Variants in SEMA6D observed in about 807,000 individuals in gnomAD.
SEMA6D encodes semaphorin-6D.
A neutral mutation model predicts 106.6 loss-of-function variants in SEMA6D; 35 were observed. The ratio of observed to expected loss-of-function variants is 0.33; its 90% CI spans 0.25 to 0.44. The LOEUF is 0.44. SEMA6D is among the 20% of genes least tolerant of loss of function. The pLI, the probability that SEMA6D is intolerant of heterozygous loss-of-function variation, is 1.00. For synonymous variants in SEMA6D, 499 were observed against 487.7 expected (o/e 1.02, Z -0.31); for missense variants, 1,185 against 1,345.9 (o/e 0.88, Z 1.87).
At chr15:47,288,260 G>C (rs10519110) in intron 1 of SEMA6D, among the ~76,000 whole-genome samples, 2,775 of 152,180 alleles carry the variant, frequency 0.018, 52 homozygotes, top group African/African-American at 0.024. Flanking sequence ...TTGGCTTGCT[G>C]CTTGAAATAT....
At chr15:47,332,819 G>C (rs980185749) in intron 1 of SEMA6D, among the ~76,000 whole-genome samples, 3 of 152,116 alleles carry the variant, frequency 2.0e-5, no homozygotes, top group African/African-American at 7.2e-5. Flanking sequence ...AAATGGGAGG[G>C]TCCTGAATCA....
chr15:47,325,151 G>C (rs1444212526), intron 1 of SEMA6D, among the ~76,000 whole-genome samples: 1 of 139,784 alleles, frequency 7.2e-6, no homozygotes, highest in Non-Finnish European at 1.5e-5. Context: ...AAGAGCACAG[G>C]GTGAAGCGTT....
intron 2 of SEMA6D, among the ~76,000 whole-genome samples, chr15:47,420,714 A>G (rs2041124656): frequency 6.6e-6 from 1 of 152,154 alleles, no homozygotes; most frequent in South Asian, 2.1e-4. Flanking sequence ...TTTGGGAAGG[A>G]TGATAATATT....
chr15:47,740,281 G>A (rs969831811), intron 1 of SEMA6D, among the ~76,000 whole-genome samples: 1 of 152,178 alleles, frequency 6.6e-6, no homozygotes, highest in African/African-American at 2.4e-5. Flanking sequence ...AGCACTTTGG[G>A]AGGCTGAGGT....
intron 2 of SEMA6D, among the ~76,000 whole-genome samples, chr15:47,449,396 C>G (rs1300101465): frequency 6.6e-6 from 1 of 152,024 alleles, no homozygotes; most frequent in African/African-American, 2.4e-5. Flanking sequence ...GAGGGTCTGA[C>G]TGGAGAAGGG....
At chr15:47,572,674 A>C (rs2076083239) in intron 3 of SEMA6D, among the ~76,000 whole-genome samples, 1 of 152,240 alleles carries the variant, frequency 6.6e-6, no homozygotes, top group Non-Finnish European at 1.5e-5. Flanking sequence ...ACAAACACAT[A>C]TATACAACAC....
chr15:47,580,617 G>GA (rs896089192), intron 3 of SEMA6D, among the ~76,000 whole-genome samples: 25 of 149,826 alleles, frequency 1.7e-4, no homozygotes, highest in Admixed American at 4.7e-4. Context: ...GAAGTATGTC[G>GA]AAAAAAAAAC....
At chr15:47,436,031 T>G (rs555520038) in intron 2 of SEMA6D, among the ~76,000 whole-genome samples, 1 of 152,118 alleles carries the variant, frequency 6.6e-6, no homozygotes, top group Non-Finnish European at 1.5e-5. Context: ...TTCAGCACTT[T>G]GGTCTTTTGA....
intron 4 of SEMA6D, among the ~76,000 whole-genome samples, chr15:47,620,661 C>T (rs76974957): frequency 7.9e-5 from 12 of 151,180 alleles, no homozygotes; most frequent in African/African-American, 2.7e-4. Context: ...AGGAAGTGGT[C>T]GTTGTGGCTG....
intron 1 of SEMA6D, among the ~76,000 whole-genome samples, chr15:47,265,757 T>A (rs940586138): frequency 4.6e-5 from 7 of 152,068 alleles, no homozygotes; most frequent in African/African-American, 1.2e-4. Flanking sequence ...TTTCCCCCAC[T>A]GTGGGGATTG....
intron 1 of SEMA6D, among the ~76,000 whole-genome samples, chr15:47,310,937 C>T (rs1194160147): frequency 1.3e-5 from 2 of 152,146 alleles, no homozygotes; most frequent in East Asian, 1.9e-4. Flanking sequence ...TGATTAGGAT[C>T]AATTATATAC....
chr15:47,760,939 G>A (rs1438419415), intron 3 of SEMA6D, 39 bp from the exon 4 acceptor site: 5 of 1,539,134 alleles, frequency 3.2e-6, no homozygotes. Flanking sequence ...ACATTTTTAT[G>A]TATTCACGTG....
intron 2 of SEMA6D, among the ~76,000 whole-genome samples, chr15:47,449,575 G>A (rs1240821889): frequency 6.6e-6 from 1 of 152,026 alleles, no homozygotes; most frequent in Non-Finnish European, 1.5e-5. Context: ...TGACATATGA[G>A]CAATTGTATT....
Position 47,385,065 on chromosome 15 carries a change from T to TTTTTA in SEMA6D, c.-238-27328_-238-27327insTTTTA, listed in dbSNP as rs35758807. Among the ~76,000 whole-genome samples the TTTTTA allele has an allele frequency of 3.7e-3, 509 of 137,222 alleles. 19 individuals carry two copies. The highest frequency in any genetic ancestry group is 0.013 in the African/African-American group (489 of 36,240). 90.0% of individuals were successfully genotyped at this position (137,222 alleles called of 152,430 possible). A position where few individuals can be genotyped will look rare whatever the true frequency, so the allele number is the denominator to read the frequency against. On this transcript the variant is annotated intron_variant, in intron 1 of 19. Coordinates refer to the SEMA6D transcript ENST00000558014. Reference sequence around the variant, plus strand: ...CTGTAATTTTTTTTTTTTTTTTTTTTACCATAGAACTCATAAGGCAGCGTT... The same window carrying TTTTTA: ...CTGTAATTTTTTTTTTTTTTTTTTTTTTTTAACCATAGAACTCATAAGGCAGCGTT...
At chr15:47,753,640 T>C (rs896986911) in intron 1 of SEMA6D, among the ~76,000 whole-genome samples, 1 of 152,188 alleles carries the variant, frequency 6.6e-6, no homozygotes, top group Non-Finnish European at 1.5e-5. Context: ...CTTTATGATT[T>C]TGAGGCTGAA....
Position 47,709,151 on chromosome 15 carries a change from C to T in SEMA6D, c.-54-50594C>T, listed in dbSNP as rs563972925. 1.2e-4 allele frequency among the ~76,000 whole-genome samples: 19 copies of T among 152,160 alleles called. 1 individual carries two copies. In the South Asian group the frequency reaches 3.5e-3, roughly 28 times the overall value. On this transcript the variant is annotated intron_variant, in intron 4 of 19. Coordinates refer to the SEMA6D transcript ENST00000558014. ...GGTGGTGATATGTATTTCCCCATCC[C>T]CTTCCTACATGTCACCCTAGGATGA...
intron 3 of SEMA6D, among the ~76,000 whole-genome samples, chr15:47,471,809 A>G (rs967592270): frequency 2.0e-5 from 3 of 152,096 alleles, no homozygotes; most frequent in African/African-American, 7.2e-5. Context: ...GCCGGTAGTA[A>G]CATCTGAGGT....
At chr15:47,236,278 G>C (rs1199579277) in intron 1 of SEMA6D, among the ~76,000 whole-genome samples, 1 of 151,936 alleles carries the variant, frequency 6.6e-6, no homozygotes, top group Non-Finnish European at 1.5e-5. Flanking sequence ...CCCTTTCCTG[G>C]ATAGCTTGAT....
chr15:47,513,022 A>AC (rs1172742464), intron 3 of SEMA6D, among the ~76,000 whole-genome samples: 1 of 152,102 alleles, frequency 6.6e-6, no homozygotes, highest in African/African-American at 2.4e-5. Context: ...CACTGTCATT[A>AC]CCCCCAGGAG....
Sources: allele counts gnomAD v4.1 joint callset (sites outside exome capture counted in the v4.1 genomes callset), GRCh38; gene constraint gnomAD v4.1.1; transcripts MANE v1.5; gene names NCBI Gene and HGNC (gene_info 2026-07-23, HGNC 2026-07-21).